Variants in AHRR observed in about 807,000 individuals in gnomAD.
AHRR encodes aryl hydrocarbon receptor repressor, also known as ahR repressor.
A neutral mutation model predicts 44.0 loss-of-function variants in AHRR; 28 were observed. The observed-to-expected ratio is 0.64, with a 90% CI of 0.47 to 0.87. The LOEUF (loss-of-function observed/expected upper bound fraction) is 0.87. Among genes scored for constraint, AHRR ranks in the 40% least tolerant of loss-of-function variants. The probability of loss-of-function intolerance (pLI) is 0.00; values close to 1 mark genes in which losing one functional copy is unlikely to be tolerated. For synonymous variants in AHRR, 434 were observed against 407.0 expected, an observed-to-expected ratio of 1.07 and a Z score of -0.80; for missense variants, 990 against 953.9, an observed-to-expected ratio of 1.04 and a Z score of -0.50.
intron 2 of AHRR, among the ~76,000 whole-genome samples, chr5:347,201 C>T (rs1742708625): frequency 6.6e-6 from 1 of 152,180 alleles, no homozygotes; most frequent in Non-Finnish European, 1.5e-5. Context: ...CGTGTTTACG[C>T]CTTTTGCTCA....
intron 2 of AHRR, among the ~76,000 whole-genome samples, chr5:344,953 G>T (rs1579603655): frequency 1.8e-5 from 1 of 56,482 alleles, no homozygotes; most frequent in Admixed American, 1.5e-4. Context: ...GGGGGGGTGT[G>T]TGTGTGAGGT....
intron 5 of AHRR, chr5:420,872 CCACGCAGCACGCACAGACCCACG>C (rs1236703850): frequency 5.8e-5 from 20 of 346,234 alleles, no homozygotes; most frequent in South Asian, 1.6e-4. Flanking sequence ...AGCCACCCAC[CCACGCAGCACGCACAGACCCACG>C]CACGCAGCAC....
At position 404,034 on chromosome 5, in the gene AHRR, C is replaced by T; in HGVS notation, c.352-9310C>T. On this transcript the variant is annotated intron_variant, in intron 4 of 10. Transcript: ENST00000684583. The surrounding 1 kb of genome is among the most constrained non-coding windows in gnomAD (Gnocchi z 4.1). ...GTTTTTTCTTAATCCACGGCTGAAT[C>T]TGTTTAGTCTTTGCATCCAAATCAT... The T allele has an allele frequency of 1.3e-6, 1 of 759,508 alleles. No homozygotes were observed. The highest frequency in any genetic ancestry group is 2.3e-6 in the Non-Finnish European group (1 of 428,172). 47.0% of individuals were successfully genotyped at this position (759,508 alleles called of 1,614,324 possible). A position where few individuals can be genotyped will look rare whatever the true frequency, so the allele number is the denominator to read the frequency against.
In AHRR at chr5:338,911, C is replaced by A. The variant is rs969591239; in HGVS notation, c.-10-4982C>A. On this transcript the variant is annotated intron_variant, in intron 1 of 10. Transcript: ENST00000684583. The surrounding 1 kb of genome is among the most constrained non-coding windows in gnomAD (Gnocchi z 4.1). ...GGGTCCAGTTACACATATATTAGGT[C>A]TCTTGAAATACCTATTTTATTTTTA... 1.5e-4 allele frequency among the ~76,000 whole-genome samples: 23 copies of A among 152,108 alleles called. No homozygotes were observed. The highest frequency in any genetic ancestry group is 1.1e-3 in the Admixed American group (17 of 15,268).
intron 5 of AHRR, among the ~76,000 whole-genome samples, chr5:421,855 C>T (rs1296505722): frequency 1.3e-5 from 2 of 152,160 alleles, no homozygotes; most frequent in Non-Finnish European, 2.9e-5. Context: ...TAGTTACATT[C>T]CTCTGAAGTC....
In AHRR at chr5:326,544, AT is replaced by A. The variant is rs1322751718; in HGVS notation, c.-11+4728del. On this transcript the variant is annotated intron_variant, in intron 1 of 10. Transcript: ENST00000684583. The surrounding 1 kb of genome is among the most constrained non-coding windows in gnomAD (Gnocchi z 4.1). ...TTGGCTACTGTGAATTATGATGGGCATTTGTATGCAGGTTTCTGTTAGAACA... is the reference window on the plus strand; with the variant it reads ...TTGGCTACTGTGAATTATGATGGGCATTGTATGCAGGTTTCTGTTAGAACA... Among the ~76,000 whole-genome samples, 5 of 152,168 alleles carry A rather than the reference AT, an allele frequency of 3.3e-5. No homozygotes were observed. In the East Asian group the frequency reaches 9.6e-4, roughly 29 times the overall value.
At chr5:355,328 G>C (rs776774531) in intron 3 of AHRR, among the ~76,000 whole-genome samples, 8 of 152,034 alleles carry the variant, frequency 5.3e-5, no homozygotes, top group Non-Finnish European at 8.8e-5. Flanking sequence ...ATGGAATTGA[G>C]GGCAGGCTCC....
At chr5:371,503 C>T (rs898918556) in intron 3 of AHRR, among the ~76,000 whole-genome samples, 11 of 152,310 alleles carry the variant, frequency 7.2e-5, no homozygotes, top group African/African-American at 1.9e-4. Flanking sequence ...AGGAATCCTG[C>T]GTCCCATTCC....
chr5:400,023 G>C (rs561673920), intron 4 of AHRR, among the ~76,000 whole-genome samples: 1 of 152,192 alleles, frequency 6.6e-6, no homozygotes, highest in Non-Finnish European at 1.5e-5. Context: ...CCAGGAGGCC[G>C]GGCCAGCTGC....
chr5:333,049 C>A (rs963708638), intron 1 of AHRR, among the ~76,000 whole-genome samples: 2 of 151,644 alleles, frequency 1.3e-5, no homozygotes, highest in African/African-American at 2.4e-5. Flanking sequence ...CACCCCACCC[C>A]CCGCCTTTAC....
intron 1 of AHRR, among the ~76,000 whole-genome samples, chr5:340,295 T>G (rs1742285508): frequency 6.6e-6 from 1 of 152,126 alleles, no homozygotes; most frequent in Non-Finnish European, 1.5e-5. Flanking sequence ...GGATAGTATT[T>G]GTCTTACTCT....
At chr5:347,091 G>A (rs1320829774) in intron 2 of AHRR, among the ~76,000 whole-genome samples, 1 of 152,014 alleles carries the variant, frequency 6.6e-6, no homozygotes, top group Non-Finnish European at 1.5e-5. Context: ...TCCTCCCCAC[G>A]CCCCAGCACA....
rs1435138529 is a variant in AHRR, at chr5:395,385, G to T, written c.352-17959G>T. Among the ~76,000 whole-genome samples the T allele has an allele frequency of 1.3e-5, 2 of 152,224 alleles. No individual in the cohort carries two copies. The highest frequency in any genetic ancestry group is 4.8e-5 in the African/African-American group (2 of 41,448). On this transcript the variant is annotated intron_variant, in intron 4 of 10. Coordinates refer to ENST00000684583, the MANE Select transcript of AHRR (RefSeq NM_001377236.1). This position sits in a 1 kb window ranked among gnomAD's most constrained non-coding sequence, Gnocchi z 5.3. Reference sequence around the variant, plus strand: ...GAATAAAAGTCCCGGGAGAGGACAAGGTGGCAAACAGGAAGGGCAGCTGAC... The same window carrying T: ...GAATAAAAGTCCCGGGAGAGGACAATGTGGCAAACAGGAAGGGCAGCTGAC...
Position 353,755 on chromosome 5 carries a change from T to G in AHRR, c.88T>G (p.Ser30Ala). 2 of 1,612,130 alleles carry G rather than the reference T, an allele frequency of 1.2e-6. No homozygotes were observed. The highest frequency in any genetic ancestry group is 1.7e-5 in the Admixed American group (1 of 59,956). ...KQRPAVGAEKSNPSKRHRDRL... is the reference protein window; with the variant it reads ...KQRPAVGAEKANPSKRHRDRL... The stretch of plus-strand genomic sequence containing the variant: ...GAGGCCCGCCGTGGGGGCAGAGAAG[T>G]CCAACCCCTCCAAGCGACACCGGGA... Residue 30 changes from serine to alanine, a missense_variant, in exon 3 of 11, where the codon TCC (serine) becomes GCC (alanine). Transcript: ENST00000684583.
chr5:396,266 G>C (rs1004929303), intron 4 of AHRR, among the ~76,000 whole-genome samples: 1 of 152,194 alleles, frequency 6.6e-6, no homozygotes, highest in African/African-American at 2.4e-5. Flanking sequence ...CATGGGGGCT[G>C]GAAAGGACGG....
chr5:353,805 C>G lies in AHRR; in HGVS notation c.138C>G (p.His46Gln). The G allele has an allele frequency of 6.2e-7, 1 of 1,614,022 alleles. No individual in the cohort carries two copies. ...ACCGCCTCAACGCCGAGTTGGACCA[C>G]CTGGCCAGCCTGCTGCCGTTCCCGC... ...HRDRLNAELD[H>Q]LASLLPFPPD... The change falls in exon 3 of 11, where the codon CAC becomes CAG. Residue 46 changes from histidine to glutamine, a missense_variant. His to Gln is a conservative substitution (Grantham distance 24). Transcript: ENST00000684583.
chr5:369,846 A>G (rs1743503480), intron 3 of AHRR, among the ~76,000 whole-genome samples: 1 of 152,272 alleles, frequency 6.6e-6, no homozygotes. Flanking sequence ...CATCTTCAAA[A>G]GGCAAAACGG....
At chr5:428,659 A>C (rs570213519) in intron 8 of AHRR, among the ~76,000 whole-genome samples, 1 of 152,302 alleles carries the variant, frequency 6.6e-6, no homozygotes, top group Admixed American at 6.5e-5. Flanking sequence ...TATGCATTTC[A>C]TTTCTGTTTT....
intron 3 of AHRR, among the ~76,000 whole-genome samples, chr5:360,251 G>A (rs11745663): frequency 0.098 from 14,957 of 152,246 alleles, 1,047 homozygotes; most frequent in Non-Finnish European, 0.13. Context: ...ACAGGGGGAA[G>A]GCAGCTGTCT....
Sources: allele counts gnomAD v4.1 joint callset (sites outside exome capture counted in the v4.1 genomes callset), GRCh38; gene constraint gnomAD v4.1.1; non-coding constraint Gnocchi (gnomAD v3.1); transcripts MANE v1.5; gene names NCBI Gene and HGNC (gene_info 2026-07-23, HGNC 2026-07-21).